The following CCDC141 variants were observed in gnomAD, a reference collection of about 807,000 sequenced individuals.
The protein encoded by CCDC141 is coiled-coil domain-containing protein 141.
A neutral mutation model predicts 181.0 loss-of-function variants in CCDC141; 168 were observed. The observed-to-expected ratio is 0.93, with a 90% CI of 0.82 to 1.05. The LOEUF is 1.05. Among genes scored for constraint, CCDC141 ranks in the 50% least tolerant of loss-of-function variants. The pLI, the probability that CCDC141 is intolerant of heterozygous loss-of-function variation, is 0.00. For synonymous variants in CCDC141, 666 were observed against 642.3 expected (o/e 1.04, Z -0.56); for missense variants, 1,902 against 1,788.5 (o/e 1.06, Z -1.14).
intron 6 of CCDC141, 118 bp from the exon 7 acceptor site, chr2:178,919,025 G>T: frequency 1.1e-6 from 1 of 929,808 alleles, no homozygotes. Flanking sequence ...TTAGGAAGTA[G>T]GGCTTTGGGA....
chr2:179,017,650 A>G lies in CCDC141; in HGVS notation c.225+29634T>C, dbSNP rs540566584. ...TCAATCTATTTGCAAAGTATAAAAA[A>G]ATCAATTTTTGTCCTTACCTTGAAA... On this transcript the variant is annotated intron_variant, in intron 2 of 23. Transcript: ENST00000443758. 2.1e-3 allele frequency among the ~76,000 whole-genome samples: 324 copies of G among 152,266 alleles called. 5 individuals are homozygous for G. Among genetic ancestry groups the G allele is most frequent in the South Asian group, 0.015 (72 of 4,802 alleles).
At chr2:178,914,553 C>A (rs1379317759) in intron 7 of CCDC141, among the ~76,000 whole-genome samples, 2 of 152,144 alleles carry the variant, frequency 1.3e-5, no homozygotes, top group East Asian at 3.9e-4. Flanking sequence ...ATCATCAAAC[C>A]CTAGCAGAAT....
rs1416058666 is a variant in CCDC141, at chr2:178,853,354, C to T, written c.3244+87G>A. The T allele has an allele frequency of 4.1e-5, 50 of 1,232,342 alleles. No homozygotes were observed. The Middle Eastern group carries it at 5.9e-4, about 14-fold the overall frequency. The allele number at this position is 1,232,342 out of a possible 1,614,324, so 76.3% of individuals were successfully genotyped here. A position where few individuals can be genotyped will look rare whatever the true frequency, so the allele number is the denominator to read the frequency against. On this transcript the variant is annotated intron_variant, in intron 20 of 23. Transcript: ENST00000443758. ...ACTGGTGTGCTGAGGACCCTGAGGA[C>T]TTGCCACACTCTTGCTGTCTACTGG...
chr2:178,963,079 C>T (rs1250831237), intron 4 of CCDC141, among the ~76,000 whole-genome samples: 1 of 152,314 alleles, frequency 6.6e-6, no homozygotes, highest in South Asian at 2.1e-4. Context: ...AGCACAGTGA[C>T]TGGCACAGGA....
At chr2:179,013,611 C>G (rs570485676) in intron 2 of CCDC141, among the ~76,000 whole-genome samples, 14 of 152,156 alleles carry the variant, frequency 9.2e-5, no homozygotes, top group Middle Eastern at 3.4e-3. Flanking sequence ...TTAGAAAAAA[C>G]AATTCTAAAA....
chr2:178,818,944 G>T, the CCDC141 span, among the ~76,000 whole-genome samples: 2 of 152,150 alleles, frequency 1.3e-5, no homozygotes, highest in African/African-American at 4.8e-5. Flanking sequence ...CTCTTGAATA[G>T]AGTCATCTTG....
chr2:178,954,971 A>T (rs985426200), intron 5 of CCDC141, among the ~76,000 whole-genome samples: 2 of 152,100 alleles, frequency 1.3e-5, no homozygotes, highest in African/African-American at 2.4e-5. Context: ...TCACCACTGT[A>T]CCATCAACAA....
At chr2:178,966,409 T>C (rs1309217844) in intron 4 of CCDC141, among the ~76,000 whole-genome samples, 6 of 152,082 alleles carry the variant, frequency 3.9e-5, no homozygotes, top group Non-Finnish European at 8.8e-5. Flanking sequence ...GGATGAAGCT[T>C]CCAGAGGAAA....
At chr2:178,868,254 AT>A (rs749821422) in intron 15 of CCDC141, 49 bp from the exon 16 acceptor site, 388 of 1,425,826 alleles carry the variant, frequency 2.7e-4, no homozygotes, top group Middle Eastern at 3.8e-4. Flanking sequence ...ATGAAGACAA[AT>A]TTTTTTTTAA....
chr2:178,997,427 C>T (rs1420995438), intron 2 of CCDC141, among the ~76,000 whole-genome samples: 3 of 152,002 alleles, frequency 2.0e-5, no homozygotes, highest in Admixed American at 2.0e-4. Context: ...CAGCCTGAAA[C>T]ACAAACACAA....
Position 178,845,546 on chromosome 2 carries a change from C to G in CCDC141, c.3474+80G>C, listed in dbSNP as rs1684897677. On this transcript the variant is annotated intron_variant, in intron 22 of 23. Coordinates refer to ENST00000443758, the MANE Select transcript of CCDC141 (RefSeq NM_173648.4). ...TTGGATAGATAAGAAAGCTGCAATT[C>G]ACTTTTATTTTGCAATGGACAATGA... The G allele has an allele frequency of 3.1e-5, 24 of 778,134 alleles. No homozygotes were observed. The South Asian group carries it at 3.6e-4, about 12-fold the overall frequency. 48.2% of individuals were successfully genotyped at this position (778,134 alleles called of 1,614,324 possible).
chr2:179,010,152 T>A (rs933644124), intron 2 of CCDC141, among the ~76,000 whole-genome samples: 1 of 152,056 alleles, frequency 6.6e-6, no homozygotes, highest in South Asian at 2.1e-4. Context: ...TCTGGGATTA[T>A]GTTAAATGAC....
intron 2 of CCDC141, among the ~76,000 whole-genome samples, chr2:179,016,583 C>T (rs1358237795): frequency 1.3e-5 from 2 of 152,024 alleles, no homozygotes; most frequent in Admixed American, 1.3e-4. Flanking sequence ...TTGTATTGAT[C>T]GAATCTAACC....
intron 2 of CCDC141, 43 bp downstream of exon 2, chr2:179,047,241 T>C (rs1436355973): frequency 8.1e-6 from 12 of 1,476,502 alleles, no homozygotes; most frequent in Non-Finnish European, 9.8e-6. Flanking sequence ...TAGTTTTTTA[T>C]GTCTCTTTAA....
At chr2:179,047,722 A>C (rs1175164770) in intron 1 of CCDC141, among the ~76,000 whole-genome samples, 1 of 152,248 alleles carries the variant, frequency 6.6e-6, no homozygotes, top group Non-Finnish European at 1.5e-5. Flanking sequence ...AATATTATAA[A>C]GTTACAGAAT....
At chr2:178,938,815 A>T (rs1689393784) in intron 6 of CCDC141, among the ~76,000 whole-genome samples, 1 of 152,106 alleles carries the variant, frequency 6.6e-6, no homozygotes, top group African/African-American at 2.4e-5. Context: ...GTCATTCATT[A>T]TGTAGTGAAT....
At chr2:178,888,419 G>T in intron 9 of CCDC141, 108 bp downstream of exon 9, 1 of 948,922 alleles carries the variant, frequency 1.1e-6, no homozygotes, top group Non-Finnish European at 1.6e-6. Context: ...GTACATAAGG[G>T]CAGCCTAAGG....
At chr2:178,955,599 A>G (rs1040013315) in intron 5 of CCDC141, among the ~76,000 whole-genome samples, 12 of 152,322 alleles carry the variant, frequency 7.9e-5, no homozygotes, top group Non-Finnish European at 1.5e-4. Flanking sequence ...AGGTTATAAT[A>G]CAGTATATAT....
chr2:178,854,511 G>A (rs1186766720), intron 19 of CCDC141, among the ~76,000 whole-genome samples: 2 of 152,114 alleles, frequency 1.3e-5, no homozygotes, highest in East Asian at 1.9e-4. Flanking sequence ...GAAACAGAGC[G>A]ACACTCCATC....
Sources: allele counts gnomAD v4.1 joint callset (sites outside exome capture counted in the v4.1 genomes callset), GRCh38; gene constraint gnomAD v4.1.1; transcripts MANE v1.5; gene names NCBI Gene and HGNC (gene_info 2026-07-23, HGNC 2026-07-21).